The following SIDT1 variants were observed in gnomAD, a reference collection of about 807,000 sequenced individuals.
SIDT1 encodes SID1 transmembrane family, member 1.
In SIDT1, 101 loss-of-function variants were observed where a neutral mutation model predicts 107.5. That is an observed-to-expected ratio of 0.94 (90% CI 0.80 to 1.11). The LOEUF is 1.11. Among genes scored for constraint, SIDT1 ranks in the 50% least tolerant of loss-of-function variants. The pLI is 0.00. For synonymous variants in SIDT1, 395 were observed against 398.2 expected (o/e 0.99, Z 0.10); for missense variants, 1,076 against 1,058.2 (o/e 1.02, Z -0.23).
intron 23 of SIDT1, among the ~76,000 whole-genome samples, chr3:113,624,866 A>G (rs887683523): frequency 2.0e-5 from 3 of 152,112 alleles, no homozygotes; most frequent in Non-Finnish European, 4.4e-5. Context: ...AAATGGCAGG[A>G]TTTTATTCTT....
chr3:113,538,797 C>A (rs186175111), intron 1 of SIDT1, among the ~76,000 whole-genome samples: 4 of 152,016 alleles, frequency 2.6e-5, no homozygotes, highest in African/African-American at 4.8e-5. Flanking sequence ...GTATTTTGGT[C>A]GGCAGAAAGA....
In SIDT1 at chr3:113,573,422, G is replaced by GT. The variant is rs1338221375; in HGVS notation, c.516-3499dup. 1.2e-4 allele frequency among the ~76,000 whole-genome samples: 19 copies of GT among 152,332 alleles called. 1 individual carries two copies. The East Asian group carries it at 3.5e-3, about 28-fold the overall frequency. The stretch of plus-strand genomic sequence containing the variant: ...AAACGAGTTGATCAAGAACAAGGCT[G>GT]TGGGTAACATTCTCATTTAAGGGAT... On this transcript the variant is annotated intron_variant, in intron 3 of 24. Transcript: ENST00000264852.
chr3:113,569,993 C>A (rs546086205), intron 3 of SIDT1, among the ~76,000 whole-genome samples: 9 of 152,166 alleles, frequency 5.9e-5, no homozygotes, highest in African/African-American at 2.2e-4. Flanking sequence ...GCAACCTCCA[C>A]CTCCTGGGTT....
chr3:113,634,445 G>T (rs10934236), downstream of SIDT1, among the ~76,000 whole-genome samples: 53,146 of 151,446 alleles, frequency 0.35, 9,268 homozygotes, highest in African/African-American at 0.37. Flanking sequence ...TCACTTGAGG[G>T]CAGGAGTTCA....
At chr3:113,569,532 A>G (rs943021296) in intron 3 of SIDT1, among the ~76,000 whole-genome samples, 5 of 152,196 alleles carry the variant, frequency 3.3e-5, no homozygotes, top group Non-Finnish European at 7.3e-5. Flanking sequence ...TAGGACTCAA[A>G]TATTTATCTT....
chr3:113,616,202 G>A (rs1432324453), intron 20 of SIDT1, 26 bp downstream of exon 20: 1 of 1,555,772 alleles, frequency 6.4e-7, no homozygotes, highest in African/African-American at 1.4e-5. Context: ...TGTGTTCTTT[G>A]GCCCTGTCCC....
intron 18 of SIDT1, 48 bp downstream of exon 18, chr3:113,611,192 A>G (rs1383794700): frequency 4.4e-6 from 7 of 1,592,132 alleles, no homozygotes; most frequent in African/African-American, 4.0e-5. Flanking sequence ...GTGCCCCCCT[A>G]GGTCCAATAA....
chr3:113,549,517 G>T (rs1939974705), intron 1 of SIDT1, among the ~76,000 whole-genome samples: 1 of 152,018 alleles, frequency 6.6e-6, no homozygotes. Flanking sequence ...ACCCAATGTT[G>T]TTGATCATAT....
intron 1 of SIDT1, 29 bp downstream of exon 1, chr3:113,533,272 C>A: frequency 7.1e-7 from 1 of 1,399,772 alleles, no homozygotes; most frequent in South Asian, 1.7e-5. Context: ...TCGCTCGACT[C>A]CTAGAACTTG....
chr3:113,601,136 A>C (rs1944931073), intron 10 of SIDT1, among the ~76,000 whole-genome samples: 1 of 152,220 alleles, frequency 6.6e-6, no homozygotes, highest in South Asian at 2.1e-4. Context: ...AAAGGTTTTG[A>C]GTTTACACTT....
chr3:113,568,601 A>AAAAAG (rs202138300), intron 3 of SIDT1, among the ~76,000 whole-genome samples: 7,006 of 144,344 alleles, frequency 0.049, 228 homozygotes, highest in African/African-American at 0.089. Flanking sequence ...CTCAAAAAAA[A>AAAAAG]AAAAGAAAAG....
Position 113,585,227 on chromosome 3 carries a change from T to C in SIDT1, c.958T>C (p.Phe320Leu), listed in dbSNP as rs1158034589. The C allele has an allele frequency of 1.9e-6, 3 of 1,613,640 alleles. No homozygotes were observed. The highest frequency in any genetic ancestry group is 2.5e-6 in the Non-Finnish European group (3 of 1,179,720). Residue 320 changes from phenylalanine to leucine, a missense_variant, in exon 9 of 25, where the codon TTC (phenylalanine) becomes CTC (leucine). Physicochemically the swap from Phe to Leu is conservative, Grantham distance 22. Transcript: ENST00000264852. ...TTTCAGTGTCTTCATCTTCCTGTCCTTCTACTTGGGATGCCTTCTTGTTGG... is the reference window on the plus strand; with the variant it reads ...TTTCAGTGTCTTCATCTTCCTGTCCCTCTACTTGGGATGCCTTCTTGTTGG... ...SLFSVFIFLS[F>L]YLGCLLVGFV...
chr3:113,565,503 G>A (rs1941816889), intron 1 of SIDT1, among the ~76,000 whole-genome samples: 2 of 152,108 alleles, frequency 1.3e-5, no homozygotes, highest in Non-Finnish European at 2.9e-5. Flanking sequence ...TCCAGCCTAG[G>A]CAGCAGAGGG....
At chr3:113,623,563 G>C (rs761722180) in intron 22 of SIDT1, 31 bp downstream of exon 22, 13 of 1,599,734 alleles carry the variant, frequency 8.1e-6, no homozygotes, top group Middle Eastern at 1.7e-4. Flanking sequence ...CGGCTACCTC[G>C]GGCCCTCGGG....
intron 19 of SIDT1, chr3:113,615,010 C>CT: frequency 1.3e-6 from 2 of 1,532,072 alleles, no homozygotes; most frequent in Admixed American, 3.9e-5. Context: ...TGGCTACTTT[C>CT]TTACACGTCT....
At chr3:113,569,458 C>G (rs539878472) in intron 3 of SIDT1, among the ~76,000 whole-genome samples, 1 of 152,256 alleles carries the variant, frequency 6.6e-6, no homozygotes, top group East Asian at 1.9e-4. Context: ...TTTGGTTCTA[C>G]AGTAAAGTTC....
intron 19 of SIDT1, among the ~76,000 whole-genome samples, chr3:113,613,713 T>C (rs907302949): frequency 6.6e-6 from 1 of 152,256 alleles, no homozygotes; most frequent in African/African-American, 2.4e-5. Flanking sequence ...ATTGTTGTTC[T>C]GGTTTCTTCC....
chr3:113,547,688 G>A lies in SIDT1; in HGVS notation c.222+14445G>A, dbSNP rs539774380. 1.8e-4 allele frequency among the ~76,000 whole-genome samples: 27 copies of A among 152,150 alleles called. 1 individual carries two copies. The South Asian group carries it at 5.0e-3, about 28-fold the overall frequency. The stretch of plus-strand genomic sequence containing the variant: ...ATACACCTTCTTTCCTGATAAGAAA[G>A]CTATTTATAATTCACTTTCCTGTCA... On this transcript the variant is annotated intron_variant, in intron 1 of 24. Transcript: ENST00000264852.
chr3:113,627,020 C>T (rs1259511440), intron 24 of SIDT1, among the ~76,000 whole-genome samples: 1 of 152,176 alleles, frequency 6.6e-6, no homozygotes, highest in Non-Finnish European at 1.5e-5. Context: ...ACGTCTTTTA[C>T]TTTTGATCGT....
Sources: gnomAD v4.1 joint callset for allele counts (sites outside exome capture counted in the v4.1 genomes callset) on GRCh38, gnomAD v4.1.1 for gene constraint, MANE v1.5 for transcripts, NCBI Gene and HGNC (gene_info 2026-07-23, HGNC 2026-07-21) for gene names.